Variants in ARMC3 observed in about 807,000 individuals in gnomAD.
The protein encoded by ARMC3 is armadillo repeat-containing protein 3.
A neutral mutation model predicts 90.3 loss-of-function variants in ARMC3; 74 were observed. The ratio of observed to expected loss-of-function variants is 0.82; its 90% CI spans 0.68 to 0.99. The LOEUF is 0.99. Among genes scored for constraint, ARMC3 ranks in the 50% least tolerant of loss-of-function variants. ARMC3 has a pLI of 0.00. For synonymous variants in ARMC3, 334 were observed against 361.8 expected (o/e 0.92, Z 0.87); for missense variants, 958 against 1,042.8 (o/e 0.92, Z 1.12).
intron 10 of ARMC3, among the ~76,000 whole-genome samples, chr10:22,993,990 C>T (rs1836833818): frequency 6.6e-6 from 1 of 152,160 alleles, no homozygotes; most frequent in African/African-American, 2.4e-5. Flanking sequence ...TGCTGAATTC[C>T]ATTCATGAGT....
At chr10:22,992,762 T>C (rs774195462) in intron 10 of ARMC3, among the ~76,000 whole-genome samples, 33 of 152,282 alleles carry the variant, frequency 2.2e-4, no homozygotes, top group Non-Finnish European at 4.6e-4. Context: ...ATTACCTTTG[T>C]TGAGAAACTG....
At chr10:23,017,603 A>G (rs879293707) in intron 16 of ARMC3, among the ~76,000 whole-genome samples, 1 of 152,206 alleles carries the variant, frequency 6.6e-6, no homozygotes, top group African/African-American at 2.4e-5. Context: ...TGTCTCTACT[A>G]AAAATACAAA....
At chr10:23,018,423 C>A (rs943113345) in intron 16 of ARMC3, among the ~76,000 whole-genome samples, 3 of 152,058 alleles carry the variant, frequency 2.0e-5, no homozygotes, top group African/African-American at 7.2e-5. Context: ...TGATCTGTCT[C>A]TGCGTGACTG....
chr10:23,000,894 A>C (rs1350658358), intron 11 of ARMC3, among the ~76,000 whole-genome samples: 1 of 152,192 alleles, frequency 6.6e-6, no homozygotes, highest in East Asian at 1.9e-4. Flanking sequence ...TACATTTCAG[A>C]CATGAGACAA....
chr10:22,963,761 G>A (rs147660503), intron 7 of ARMC3, among the ~76,000 whole-genome samples: 8,752 of 151,236 alleles, frequency 0.058, 821 homozygotes, highest in African/African-American at 0.2. Context: ...ATGGTGGCAC[G>A]TGCCTGTAAT....
intron 16 of ARMC3, among the ~76,000 whole-genome samples, chr10:23,029,388 G>T (rs1838831427): frequency 6.6e-6 from 1 of 152,146 alleles, no homozygotes; most frequent in Admixed American, 6.6e-5. Context: ...GCTGTTGCAT[G>T]CATCCTGTCC....
rs747561706 is a variant in ARMC3, at chr10:23,037,523, G to A, written c.*44G>A. 5.9e-6 allele frequency: 9 copies of A among 1,513,924 alleles called. No homozygotes were observed. Among genetic ancestry groups the A allele is most frequent in the Middle Eastern group, 1.8e-4 (1 of 5,714 alleles). 93.8% of individuals were successfully genotyped at this position (1,513,924 alleles called of 1,614,324 possible). On this transcript the variant is annotated 3_prime_UTR_variant, in exon 19 of 19. Coordinates refer to ENST00000298032, the MANE Select transcript of ARMC3 (RefSeq NM_173081.5). ...GAGAGGCTCAAACAAGAAATTCACT[G>A]TGTACACTCTCTAAGACATTCTCCA...
intron 10 of ARMC3, among the ~76,000 whole-genome samples, chr10:22,995,199 CAG>C (rs71510934): frequency 0.053 from 8,049 of 152,166 alleles, 236 homozygotes; most frequent in African/African-American, 0.06. Flanking sequence ...TTGAAATAAA[CAG>C]AATTAATTCA....
chr10:23,009,809 A>T lies in ARMC3; in HGVS notation c.2045+878A>T, dbSNP rs1424730963. ...ACCCTGCTCGGCCCCACATGTTTAC[A>T]TATTTTTAAAACATACTTCTTCTAT... is the stretch of plus-strand genomic sequence containing the variant. On this transcript the variant is annotated intron_variant, in intron 16 of 18. Transcript: ENST00000298032. 2.0e-5 allele frequency among the ~76,000 whole-genome samples: 3 copies of T among 152,276 alleles called. No homozygotes were observed. In the East Asian group the frequency reaches 5.8e-4, roughly 29 times the overall value.
chr10:22,979,969 G>A (rs961159650), intron 8 of ARMC3, among the ~76,000 whole-genome samples: 1 of 152,070 alleles, frequency 6.6e-6, no homozygotes, highest in Non-Finnish European at 1.5e-5. Flanking sequence ...AAGGCCAAAA[G>A]TATTTGCAAA....
chr10:23,036,994 A>G (rs1354836696), intron 18 of ARMC3, among the ~76,000 whole-genome samples: 3 of 152,156 alleles, frequency 2.0e-5, no homozygotes, highest in African/African-American at 4.8e-5. Context: ...CTTTTTTCCA[A>G]TCACCCTCGC....
At position 23,006,948 on chromosome 10, in the gene ARMC3, G is replaced by C; in HGVS notation, c.1796G>C (p.Arg599Pro). ...TGCTTACAAGAACCAAGTGACCTACGGGCTGTACTCTTAATCAACAGTAAA... is the reference window on the plus strand; with the variant it reads ...TGCTTACAAGAACCAAGTGACCTACCGGCTGTACTCTTAATCAACAGTAAA... ...ELCLQEPSDLRAVLLINSKSY... is the reference protein window; with the variant it reads ...ELCLQEPSDLPAVLLINSKSY... The change falls in exon 14 of 19, where the codon CGG (arginine) becomes CCG (proline). Residue 599 changes from arginine (R) to proline (P), a missense_variant. By Grantham distance (103) the Arg-to-Pro change is moderately radical (BLOSUM62 -2). Coordinates refer to ENST00000298032, the MANE Select transcript of ARMC3 (RefSeq NM_173081.5). 1 of 1,613,108 alleles carries C rather than the reference G, an allele frequency of 6.2e-7. No homozygotes were observed. Among genetic ancestry groups the C allele is most frequent in the South Asian group, 1.1e-5 (1 of 90,902 alleles).
chr10:22,950,798 A>G (rs1471636012), intron 3 of ARMC3, among the ~76,000 whole-genome samples: 1 of 152,228 alleles, frequency 6.6e-6, no homozygotes, highest in Non-Finnish European at 1.5e-5. Flanking sequence ...TCATGCTAGC[A>G]TGAATCAAAA....
At chr10:23,010,445 CCTTCCTTTCCCTCCTCCCT>C (rs1837897780) in intron 16 of ARMC3, among the ~76,000 whole-genome samples, 1 of 5,284 alleles carries the variant, frequency 1.9e-4, no homozygotes, top group African/African-American at 5.6e-4. Context: ...CCTCCCCTCT[CCTTCCTTTCCCTCCTCCCT>C]CCTTCCTTTC....
intron 17 of ARMC3, among the ~76,000 whole-genome samples, chr10:23,032,531 G>A (rs978142449): frequency 6.6e-6 from 1 of 152,004 alleles, no homozygotes; most frequent in African/African-American, 2.4e-5. Context: ...TACTTTTCAA[G>A]AGTAAGAAAA....
At chr10:22,953,735 A>T (rs916372986) in intron 3 of ARMC3, among the ~76,000 whole-genome samples, 1 of 152,220 alleles carries the variant, frequency 6.6e-6, no homozygotes. Flanking sequence ...GTAGTTAAAA[A>T]CTTTCTCACA....
At chr10:23,007,142 T>C (rs1300997803) in intron 14 of ARMC3, among the ~76,000 whole-genome samples, 161 bp downstream of exon 14, 1 of 152,208 alleles carries the variant, frequency 6.6e-6, no homozygotes, top group Non-Finnish European at 1.5e-5. Context: ...TAGCCCGACA[T>C]GGAATAACCA....
chr10:23,008,891 A>T lies in ARMC3; in HGVS notation c.2005A>T (p.Thr669Ser). Residue 669 changes from threonine to serine, a missense_variant, in exon 16 of 19, where the codon ACT (threonine) becomes TCT (serine). Thr to Ser is a moderately conservative substitution (Grantham distance 58). Transcript: ENST00000298032. The stretch of plus-strand genomic sequence containing the variant: ...ATCAGAGCCAGCTTCTGGACGAAAT[A>T]CTGTTCTCAGCAAAAGCGCCACCAA... ...DKSEPASGRN[T>S]VLSKSATKEK... 1 of 1,613,954 alleles carries T rather than the reference A, an allele frequency of 6.2e-7. No homozygotes were observed. The highest frequency in any genetic ancestry group is 8.5e-7 in the Non-Finnish European group (1 of 1,179,910).
Position 22,981,631 on chromosome 10 carries a change from A to G in ARMC3, c.1106A>G (p.Asn369Ser), listed in dbSNP as rs773951548. Reference protein sequence around the residue: ...PQLIQLLKSDNEEVREAAALA... With the variant: ...PQLIQLLKSDSEEVREAAALA... ...TTAATTCAGTTGCTAAAAAGTGACA[A>G]TGAAGAGGTACGGGAAGCAGCAGCT... Residue 369 changes from asparagine (N) to serine (S), a missense_variant, in exon 10 of 19, where the codon AAT (asparagine) becomes AGT (serine). Asn to Ser is a conservative substitution (Grantham distance 46, BLOSUM62 1). Transcript: ENST00000298032. 8.7e-6 allele frequency: 14 copies of G among 1,614,064 alleles called. No individual in the cohort carries two copies. Among genetic ancestry groups the G allele is most frequent in the African/African-American group, 6.7e-5 (5 of 74,938 alleles).
Sources: allele counts gnomAD v4.1 joint callset (sites outside exome capture counted in the v4.1 genomes callset), GRCh38; gene constraint gnomAD v4.1.1; transcripts MANE v1.5; gene names NCBI Gene and HGNC (gene_info 2026-07-23, HGNC 2026-07-21).